DNAJC5: variants seen among roughly 807,000 people sequenced by gnomAD.
The protein encoded by DNAJC5 is DnaJ heat shock protein family (Hsp40) member C5, also known as dnaJ homolog subfamily C member 5.
DNAJC5 carries 1 observed loss-of-function variant against 23.2 expected under a neutral mutation model. The observed-to-expected ratio is 0.04, with a 90% CI of 0.02 to 0.20. DNAJC5 has a LOEUF of 0.20. Among genes scored for constraint, DNAJC5 ranks in the 10% least tolerant of loss-of-function variants. DNAJC5 has a pLI of 1.00. For synonymous variants in DNAJC5, 136 were observed against 120.0 expected (o/e 1.13, Z -0.87); for missense variants, 180 against 267.0 (o/e 0.67, Z 2.27).
rs1362836832 is a variant in DNAJC5 at position 63,935,736 on chromosome 20, G to A, written c.*4168G>A. 1 of 152,252 alleles carries A rather than the reference G, an allele frequency of 6.6e-6. No individual in the cohort carries two copies. Among genetic ancestry groups the A allele is most frequent in the Non-Finnish European group, 1.5e-5 (1 of 68,048 alleles). 9.4% of individuals were successfully genotyped at this position (152,252 alleles called of 1,614,324 possible). Reference sequence around the variant, plus strand: ...GTAGAGTTTGTTTCCCTGGAAAATGGGGAAAATGTTTCAAGCCAGGTGAGG... The same window carrying A: ...GTAGAGTTTGTTTCCCTGGAAAATGAGGAAAATGTTTCAAGCCAGGTGAGG... On this transcript the variant is annotated 3_prime_UTR_variant, in exon 5 of 5. Transcript: ENST00000360864.
At position 63,931,572 on chromosome 20, in the gene DNAJC5, CAGGAGGAGCTGTGGTCAG is replaced by C; in HGVS notation, c.*14_*31del. On this transcript the variant is annotated 3_prime_UTR_variant, in exon 5 of 5. Transcript: ENST00000360864. The surrounding 1 kb of genome is among the most constrained non-coding windows in gnomAD (Gnocchi z 9.6). Reference sequence around the variant, plus strand: ...CCACACTGACGGGTTCAACTAAATCCAGGAGGAGCTGTGGTCAGAGGAGGAGCCGGCGCCTGGCCACGC... The same window carrying C: ...CCACACTGACGGGTTCAACTAAATCCAGGAGGAGCCGGCGCCTGGCCACGC... 6.4e-7 allele frequency: 1 copy of C among 1,557,828 alleles called. No homozygotes were observed. The highest frequency in any genetic ancestry group is 1.2e-5 in the South Asian group (1 of 84,996).
At chr20:63,911,174 T>C (rs1303313660) in intron 1 of DNAJC5, among the ~76,000 whole-genome samples, 1 of 152,136 alleles carries the variant, frequency 6.6e-6, no homozygotes, top group African/African-American at 2.4e-5. Flanking sequence ...AGTAGATGAG[T>C]CTGTGAATTA....
chr20:63,905,508 G>A (rs1249403436), intron 1 of DNAJC5, among the ~76,000 whole-genome samples: 3 of 151,172 alleles, frequency 2.0e-5, no homozygotes, highest in Non-Finnish European at 4.4e-5. Context: ...CTCTGGGCTC[G>A]AGTGATCCTC....
intron 1 of DNAJC5, among the ~76,000 whole-genome samples, chr20:63,898,167 TGCTGG>T (rs1220265585): frequency 6.6e-6 from 1 of 152,158 alleles, no homozygotes; most frequent in East Asian, 1.9e-4. Flanking sequence ...CTGTACAAGG[TGCTGG>T]TGGTTTTATC....
At position 63,920,181 on chromosome 20, in the gene DNAJC5, A is replaced by C. The variant is rs539521695; in HGVS notation, c.-11-8154A>C. Among the ~76,000 whole-genome samples the C allele has an allele frequency of 6.6e-6, 1 of 152,324 alleles. No homozygotes were observed. Among genetic ancestry groups the C allele is most frequent in the African/African-American group, 2.4e-5 (1 of 41,578 alleles). ...AAGAGGACGCACCCGGCTGTGTGGCAGGGGAGGTTCCCAAGAGCAGGCTCA... is the reference window on the plus strand; with the variant it reads ...AAGAGGACGCACCCGGCTGTGTGGCCGGGGAGGTTCCCAAGAGCAGGCTCA... On this transcript the variant is annotated intron_variant, in intron 1 of 4. Transcript: ENST00000360864. The surrounding 1 kb of genome is among the most constrained non-coding windows in gnomAD (Gnocchi z 4.6).
At chr20:63,900,897 A>G (rs2053407215) in intron 1 of DNAJC5, among the ~76,000 whole-genome samples, 1 of 152,240 alleles carries the variant, frequency 6.6e-6, no homozygotes, top group African/African-American at 2.4e-5. Context: ...AACATGTATC[A>G]CCAGCAGAAA....
intron 1 of DNAJC5, among the ~76,000 whole-genome samples, chr20:63,926,902 G>A (rs1036364179): frequency 1.3e-5 from 2 of 152,134 alleles, no homozygotes; most frequent in Non-Finnish European, 1.5e-5. Context: ...GAAATTAACC[G>A]TCATGTACAC....
intron 1 of DNAJC5, among the ~76,000 whole-genome samples, chr20:63,913,306 C>T (rs1600867721): frequency 6.6e-6 from 1 of 152,298 alleles, no homozygotes; most frequent in East Asian, 1.9e-4. Context: ...CTTCCCTCTC[C>T]TCCCGCTTCT....
intron 1 of DNAJC5, among the ~76,000 whole-genome samples, chr20:63,903,465 G>A (rs775964264): frequency 3.9e-5 from 6 of 151,972 alleles, no homozygotes; most frequent in Non-Finnish European, 5.9e-5. Context: ...GCGCCACTAC[G>A]CCCGGCTGAT....
chr20:63,909,199 G>C (rs1008385352), intron 1 of DNAJC5: 4 of 151,992 alleles, frequency 2.6e-5, no homozygotes, highest in Non-Finnish European at 5.9e-5. Context: ...GGAAGCCGAG[G>C]TGGGTGGATC....
rs939258527 is a variant in DNAJC5, at chr20:63,928,143, C to T, written c.-11-192C>T. Among the ~76,000 whole-genome samples, 1 of 152,128 alleles carries T rather than the reference C, an allele frequency of 6.6e-6. No individual in the cohort carries two copies. The highest frequency in any genetic ancestry group is 1.5e-5 in the Non-Finnish European group (1 of 68,022). ...GTACACAGCTGCAGTTCTTCAGGATCTCTTGGGGTGGCCGTATTCTGCCGT... is the reference window on the plus strand; with the variant it reads ...GTACACAGCTGCAGTTCTTCAGGATTTCTTGGGGTGGCCGTATTCTGCCGT... On this transcript the variant is annotated intron_variant, in intron 1 of 4. Coordinates refer to ENST00000360864, the MANE Select transcript of DNAJC5 (RefSeq NM_025219.3). The surrounding 1 kb of genome is among the most constrained non-coding windows in gnomAD (Gnocchi z 4.6).
At chr20:63,899,786 T>C (rs181092150) in intron 1 of DNAJC5, among the ~76,000 whole-genome samples, 1 of 152,052 alleles carries the variant, frequency 6.6e-6, no homozygotes, top group Admixed American at 6.6e-5. Context: ...TTTCGCGGTG[T>C]TAGCCAGGAT....
intron 1 of DNAJC5, among the ~76,000 whole-genome samples, chr20:63,902,515 TG>T (rs1174015976): frequency 6.7e-6 from 1 of 149,722 alleles, no homozygotes; most frequent in African/African-American, 2.5e-5. Context: ...ATTACAGGCG[TG>T]TGCCACCACA....
At chr20:63,924,624 G>C (rs537124612) in intron 1 of DNAJC5, among the ~76,000 whole-genome samples, 24 of 151,850 alleles carry the variant, frequency 1.6e-4, no homozygotes, top group Admixed American at 1.6e-3. Flanking sequence ...GAGGCCGAGG[G>C]GGGGATTGAC....
chr20:63,896,704 T>C (rs2053377980), intron 1 of DNAJC5, among the ~76,000 whole-genome samples: 1 of 152,202 alleles, frequency 6.6e-6, no homozygotes, highest in South Asian at 2.1e-4. Flanking sequence ...CCCACAGCGC[T>C]GAATCCTCCT....
chr20:63,921,590 C>CA (rs11482146), intron 1 of DNAJC5, among the ~76,000 whole-genome samples: 46,166 of 116,030 alleles, frequency 0.4, 8,900 homozygotes, highest in East Asian at 0.81. Context: ...GACTCCGTCT[C>CA]AAAAAAAAAA....
rs1457395840 is a variant in DNAJC5, at chr20:63,920,626, G to A, written c.-11-7709G>A. On this transcript the variant is annotated intron_variant, in intron 1 of 4. Coordinates refer to ENST00000360864, the MANE Select transcript of DNAJC5 (RefSeq NM_025219.3). This position sits in a 1 kb window ranked among gnomAD's most constrained non-coding sequence, Gnocchi z 4.6. The stretch of plus-strand genomic sequence containing the variant: ...CTGCCAGCAGAACGGACTGGGATAC[G>A]CTGGATTTGTAAAACGTGACCCTTT... Among the ~76,000 whole-genome samples the A allele has an allele frequency of 3.3e-5, 5 of 152,240 alleles. No homozygotes were observed. The highest frequency in any genetic ancestry group is 7.3e-5 in the Non-Finnish European group (5 of 68,042).
At chr20:63,898,591 C>A (rs1298883736) in intron 1 of DNAJC5, among the ~76,000 whole-genome samples, 1 of 152,126 alleles carries the variant, frequency 6.6e-6, no homozygotes, top group Non-Finnish European at 1.5e-5. Context: ...CACCAGTAAT[C>A]CCAGCACTTT....
At chr20:63,897,349 G>A (rs1014517788) in intron 1 of DNAJC5, among the ~76,000 whole-genome samples, 3 of 151,306 alleles carry the variant, frequency 2.0e-5, no homozygotes, top group Non-Finnish European at 2.9e-5. Context: ...AGCCGAGATC[G>A]CGCCACTGCA....
Sources: gnomAD v4.1 joint callset for allele counts (sites outside exome capture counted in the v4.1 genomes callset) on GRCh38, gnomAD v4.1.1 for gene constraint, Gnocchi (gnomAD v3.1) non-coding constraint, MANE v1.5 for transcripts, NCBI Gene and HGNC (gene_info 2026-07-23, HGNC 2026-07-21) for gene names.